The following GSTCD variants were observed in gnomAD, a reference collection of about 807,000 sequenced individuals.
The protein encoded by GSTCD is glutathione S-transferase C-terminal domain containing.
A neutral mutation model predicts 68.3 loss-of-function variants in GSTCD; 44 were observed. That is an observed-to-expected ratio of 0.64 (90% CI 0.51 to 0.83). GSTCD has a LOEUF of 0.83. Ranked by LOEUF, GSTCD falls within the 40% of genes least tolerant of loss-of-function variation. The probability of loss-of-function intolerance (pLI) is 0.00; values close to 1 mark genes in which losing one functional copy is unlikely to be tolerated. For missense variants in GSTCD, 739 were observed against 735.9 expected, an observed-to-expected ratio of 1.00 and a Z score of -0.05; for synonymous variants, 273 against 255.2, an observed-to-expected ratio of 1.07 and a Z score of -0.67.
At chr4:105,774,572 C>T (rs1021701759) in intron 5 of GSTCD, among the ~76,000 whole-genome samples, 3 of 152,118 alleles carry the variant, frequency 2.0e-5, no homozygotes, top group Admixed American at 6.5e-5. Flanking sequence ...TCAGCATTTG[C>T]TTGTCTATAA....
intron 5 of GSTCD, among the ~76,000 whole-genome samples, chr4:105,752,557 A>C (rs921002738): frequency 7.2e-5 from 11 of 152,206 alleles, no homozygotes; most frequent in African/African-American, 2.6e-4. Flanking sequence ...TATTTAGGTC[A>C]TATGTAGGGT....
chr4:105,716,213 G>T (rs759200757), intron 1 of GSTCD, among the ~76,000 whole-genome samples: 14 of 152,142 alleles, frequency 9.2e-5, no homozygotes, highest in East Asian at 1.9e-4. Flanking sequence ...GCGCTAGGAA[G>T]AAAAAACATA....
rs753556254 is a variant in GSTCD, at chr4:105,774,285, G to A, written c.1240+44786G>A. ...ATGGCTCTCTTGAATAGAGCACACTGATGGGTCTTGACTGTATTCAATTTG... is the reference window on the plus strand; with the variant it reads ...ATGGCTCTCTTGAATAGAGCACACTAATGGGTCTTGACTGTATTCAATTTG... On this transcript the variant is annotated intron_variant, in intron 5 of 11. Coordinates refer to ENST00000515279, the MANE Select transcript of GSTCD (RefSeq NM_001370181.1). Among the ~76,000 whole-genome samples the A allele has an allele frequency of 5.0e-4, 76 of 152,208 alleles. 1 individual carries two copies. The highest frequency in any genetic ancestry group is 1.2e-4 in the Non-Finnish European group (8 of 68,032).
intron 10 of GSTCD, among the ~76,000 whole-genome samples, chr4:105,841,430 G>T (rs924037569): frequency 6.6e-6 from 1 of 151,994 alleles, no homozygotes; most frequent in South Asian, 2.1e-4. Flanking sequence ...TGAATTTTTG[G>T]TCTTTTAATT....
chr4:105,730,958 A>G (rs1371937556), intron 5 of GSTCD, among the ~76,000 whole-genome samples: 7 of 152,258 alleles, frequency 4.6e-5, no homozygotes, highest in African/African-American at 1.7e-4. Flanking sequence ...CTTTCTACAT[A>G]TGGCTTGCCA....
At position 105,757,046 on chromosome 4, in the gene GSTCD, A is replaced by G. The variant is rs547718770; in HGVS notation, c.1240+27547A>G. ...AATTTGAAATTTATTAACCTAAGGG[A>G]CTGGAGTTTGGCCATATTAGAGGAA... On this transcript the variant is annotated intron_variant, in intron 5 of 11. Transcript: ENST00000515279. 2.0e-5 allele frequency among the ~76,000 whole-genome samples: 3 copies of G among 152,268 alleles called. No homozygotes were observed. The East Asian group carries it at 5.8e-4, about 29-fold the overall frequency.
chr4:105,729,343 T>C (rs1369433717), intron 4 of GSTCD, 63 bp from the exon 5 acceptor site: 2 of 995,680 alleles, frequency 2.0e-6, no homozygotes, highest in African/African-American at 3.3e-5. Context: ...TTTTTTAGCC[T>C]TCAATAATAT....
intron 10 of GSTCD, among the ~76,000 whole-genome samples, chr4:105,839,099 T>A (rs1307599757): frequency 6.6e-6 from 1 of 152,130 alleles, no homozygotes; most frequent in Non-Finnish European, 1.5e-5. Context: ...CTTCCCCTCT[T>A]CCTACCAACC....
chr4:105,800,999 CCTT>C (rs1244675594), intron 5 of GSTCD, among the ~76,000 whole-genome samples: 10 of 152,058 alleles, frequency 6.6e-5, no homozygotes, highest in Non-Finnish European at 1.2e-4. Context: ...CACATCACAG[CCTT>C]CTTGTACTTA....
At chr4:105,826,815 T>C (rs1037847460) in intron 8 of GSTCD, among the ~76,000 whole-genome samples, 50 of 152,284 alleles carry the variant, frequency 3.3e-4, no homozygotes, top group African/African-American at 1.2e-3. Flanking sequence ...CTGACATCCT[T>C]TCTAATTACA....
intron 5 of GSTCD, among the ~76,000 whole-genome samples, chr4:105,733,257 C>T (rs1049014234): frequency 6.6e-6 from 1 of 152,132 alleles, no homozygotes; most frequent in Non-Finnish European, 1.5e-5. Flanking sequence ...AACTTTCTCT[C>T]TCGTTGATCT....
At chr4:105,728,161 C>T (rs972705970) in intron 4 of GSTCD, among the ~76,000 whole-genome samples, 12 of 151,952 alleles carry the variant, frequency 7.9e-5, no homozygotes, top group African/African-American at 2.7e-4. Flanking sequence ...GTTCACCTCT[C>T]GAGTGAATAT....
chr4:105,742,998 A>G (rs1241422610), intron 5 of GSTCD, among the ~76,000 whole-genome samples: 19 of 149,184 alleles, frequency 1.3e-4, no homozygotes, highest in South Asian at 2.1e-4. Flanking sequence ...TGCCCAGGCT[A>G]GAGTGCAGTG....
At chr4:105,786,398 G>A (rs1735466252) in intron 5 of GSTCD, among the ~76,000 whole-genome samples, 1 of 151,942 alleles carries the variant, frequency 6.6e-6, no homozygotes, top group Non-Finnish European at 1.5e-5. Context: ...TGTAGTCCCA[G>A]CTACTAAGGA....
At chr4:105,798,816 G>T (rs72673823) in intron 5 of GSTCD, among the ~76,000 whole-genome samples, 6,777 of 152,194 alleles carry the variant, frequency 0.045, 210 homozygotes, top group Middle Eastern at 0.13. Context: ...AATGAGCATT[G>T]GCTTCAACAT....
chr4:105,782,538 TA>T (rs1269340912), intron 5 of GSTCD, among the ~76,000 whole-genome samples: 1 of 151,576 alleles, frequency 6.6e-6, no homozygotes, highest in African/African-American at 2.4e-5. Context: ...AGGAGAAAGA[TA>T]AAAACATCAT....
intron 5 of GSTCD, among the ~76,000 whole-genome samples, chr4:105,811,483 C>T (rs1235769801): frequency 7.9e-6 from 1 of 126,808 alleles, no homozygotes; most frequent in Non-Finnish European, 1.5e-5. Context: ...GATGAAGTCT[C>T]AATGTTAAAA....
intron 5 of GSTCD, among the ~76,000 whole-genome samples, chr4:105,762,457 A>G (rs1162005459): frequency 6.6e-6 from 1 of 152,214 alleles, no homozygotes; most frequent in Non-Finnish European, 1.5e-5. Context: ...ATTCCTGGGT[A>G]GATAGGTCTA....
intron 5 of GSTCD, among the ~76,000 whole-genome samples, chr4:105,788,313 T>C: frequency 7.2e-6 from 1 of 138,754 alleles, no homozygotes; most frequent in East Asian, 1.9e-4. Context: ...TTTCTACTTG[T>C]CCATTTTACA....
Sources: allele counts gnomAD v4.1 joint callset (sites outside exome capture counted in the v4.1 genomes callset), GRCh38; gene constraint gnomAD v4.1.1; transcripts MANE v1.5; gene names NCBI Gene and HGNC (gene_info 2026-07-23, HGNC 2026-07-21).